The following TMEM165 variants were observed in gnomAD, a reference collection of about 807,000 sequenced individuals.
TMEM165 encodes putative divalent cation/proton antiporter TMEM165.
In TMEM165, 19 loss-of-function variants were observed where a neutral mutation model predicts 30.0. That is an observed-to-expected ratio of 0.63 (90% CI 0.44 to 0.93). The LOEUF is 0.93. Ranked by LOEUF, TMEM165 falls within the 40% of genes least tolerant of loss-of-function variation. TMEM165 has a pLI of 0.00. For missense variants in TMEM165, 340 were observed against 417.0 expected (o/e 0.82, Z 1.61); for synonymous variants, 168 against 162.9 (o/e 1.03, Z -0.24).
chr4:55,429,467 T>C (rs1267105205), downstream of TMEM165: 3 of 152,170 alleles, frequency 2.0e-5, no homozygotes, highest in Admixed American at 2.0e-4. Context: ...CAGTGCTGTG[T>C]ATGGAAGTTT....
chr4:55,399,136 A>G (rs1365671114), intron 1 of TMEM165: 1 of 152,248 alleles, frequency 6.6e-6, no homozygotes, highest in Non-Finnish European at 1.5e-5. Flanking sequence ...GAACTCAACG[A>G]GTAAATAACC....
Position 55,425,522 on chromosome 4 carries a change from CA to C in TMEM165, c.*72del. On this transcript the variant is annotated 3_prime_UTR_variant, in exon 6 of 6. Transcript: ENST00000381334. ...ATCTTTCTGTACATAGTGTACATTA[CA>C]ACTAAAAGTGATGGAAAAATACTGT... 8.3e-7 allele frequency: 1 copy of C among 1,210,022 alleles called. No individual in the cohort carries two copies. Among genetic ancestry groups the C allele is most frequent in the South Asian group, 1.3e-5 (1 of 76,172 alleles). 75.0% of individuals were successfully genotyped at this position (1,210,022 alleles called of 1,614,324 possible). A position where few individuals can be genotyped will look rare whatever the true frequency, so the allele number is the denominator to read the frequency against.
intron 3 of TMEM165, among the ~76,000 whole-genome samples, chr4:55,446,754 G>C (rs111394450): frequency 1.4e-4 from 22 of 152,198 alleles, no homozygotes; most frequent in Admixed American, 4.6e-4. Context: ...TTATTCCCAT[G>C]AATTTTCAGT....
Position 55,417,818 on chromosome 4 carries a change from CTT to C in TMEM165, c.628_629del (p.Leu210LysfsTer7), listed in dbSNP as rs1167328921. On this transcript the variant is annotated frameshift_variant, in exon 4 of 6. Coordinates refer to ENST00000381334, the MANE Select transcript of TMEM165 (RefSeq NM_018475.5). LOFTEE classifies it high-confidence loss of function. ...TTTATTTTAGTTTCAACGAACCAAA[CTT>C]TTAAATGGACCGGGAGATGTTGAAA... ...KKDEEFQRTK[L>X]LNGPGDVETG... 3 of 1,602,188 alleles carry C rather than the reference CTT, an allele frequency of 1.9e-6. No homozygotes were observed. Among genetic ancestry groups the C allele is most frequent in the Admixed American group, 1.8e-5 (1 of 57,086 alleles).
At chr4:55,404,218 A>T (rs1721177901) in intron 1 of TMEM165, among the ~76,000 whole-genome samples, 1 of 148,442 alleles carries the variant, frequency 6.7e-6, no homozygotes, top group Admixed American at 6.8e-5. Flanking sequence ...GGGTTTCATC[A>T]TGTTTGCCAG....
intron 3 of TMEM165, chr4:55,434,919 G>C (rs550503047): frequency 5.5e-6 from 1 of 180,652 alleles, no homozygotes; most frequent in African/African-American, 2.4e-5. Context: ...AGTAATTACT[G>C]TTCCATCATT....
chr4:55,424,938 T>C (rs1722129260), intron 5 of TMEM165: 1 of 391,954 alleles, frequency 2.6e-6, no homozygotes, highest in Non-Finnish European at 4.6e-6. Flanking sequence ...GCTCTAAAAA[T>C]GTGTCTTACA....
In TMEM165 at chr4:55,424,571, G is replaced by A; in HGVS notation, c.826G>A (p.Gly276Arg). ...PYGVAVGGTV[G>R]HCLCTGLAVI... ...TGGTGTAGCCGTGGGTGGAACTGTGGGGCACTGCCTGTGCACGGGATTGGC... is the reference window on the plus strand; with the variant it reads ...TGGTGTAGCCGTGGGTGGAACTGTGAGGCACTGCCTGTGCACGGGATTGGC... The change falls in exon 5 of 6, where the codon GGG (glycine) becomes AGG (arginine). Residue 276 changes from glycine (G) to arginine (R), a missense_variant. Transcript: ENST00000381334. 1 of 1,613,882 alleles carries A rather than the reference G, an allele frequency of 6.2e-7. No individual in the cohort carries two copies. The highest frequency in any genetic ancestry group is 8.5e-7 in the Non-Finnish European group (1 of 1,179,804).
At chr4:55,410,809 CTAAA>C (rs1721464059) in intron 1 of TMEM165, among the ~76,000 whole-genome samples, 1 of 152,138 alleles carries the variant, frequency 6.6e-6, no homozygotes, top group African/African-American at 2.4e-5. Context: ...TAGCTAAGAA[CTAAA>C]TCTGAAATCA....
At chr4:55,443,919 A>G (rs1489889889) in intron 3 of TMEM165, 2 of 1,595,660 alleles carry the variant, frequency 1.3e-6, no homozygotes, top group Non-Finnish European at 1.7e-6. Context: ...AGATTATGTT[A>G]AAATGAGCTT....
Position 55,452,602 on chromosome 4 carries a change from CTAT to C in TMEM165, c.*297_*299del, listed in dbSNP as rs1724566760. On this transcript the variant is annotated 3_prime_UTR_variant, in exon 4 of 4. Coordinates refer to the TMEM165 transcript ENST00000608091. Reference sequence around the variant, plus strand: ...TACACAGCTATAGATAACTAATATACTATACTTCTGACCTGATATAACAAAAAA... The same window carrying C: ...TACACAGCTATAGATAACTAATATACACTTCTGACCTGATATAACAAAAAA... The C allele has an allele frequency of 4.6e-5, 8 of 173,918 alleles. No homozygotes were observed. The South Asian group carries it at 1.0e-3, about 23-fold the overall frequency. The allele number at this position is 173,918 out of a possible 1,614,324, so 10.8% of individuals were successfully genotyped here. A position where few individuals can be genotyped will look rare whatever the true frequency, so the allele number is the denominator to read the frequency against.
At chr4:55,401,339 TACTC>T (rs929853117) in intron 1 of TMEM165, among the ~76,000 whole-genome samples, 2 of 150,812 alleles carry the variant, frequency 1.3e-5, no homozygotes, top group Non-Finnish European at 2.9e-5. Flanking sequence ...TCTAGTGACT[TACTC>T]AATAGTTTTT....
At chr4:55,448,595 CGCGCGCGTGTGTGTGTGTGTGT>C (rs1724109237) in intron 3 of TMEM165, among the ~76,000 whole-genome samples, 2 of 33,250 alleles carry the variant, frequency 6.0e-5, no homozygotes, top group African/African-American at 2.1e-4. Flanking sequence ...CGCGCGCGCA[CGCGCGCGTGTGTGTGTGTGTGT>C]GTGTGTGTGT....
intron 3 of TMEM165, among the ~76,000 whole-genome samples, chr4:55,445,944 C>T (rs1257915517): frequency 5.3e-5 from 8 of 151,730 alleles, no homozygotes; most frequent in East Asian, 1.9e-4. Flanking sequence ...GGAGTTAATC[C>T]GTGTTACCAG....
intron 3 of TMEM165, chr4:55,431,469 T>A (rs1365497296): frequency 6.6e-6 from 1 of 152,244 alleles, no homozygotes; most frequent in African/African-American, 2.4e-5. Flanking sequence ...TAAAAGGTTC[T>A]CTTTCTCCAA....
At chr4:55,400,302 A>AATACTGTAT (rs1720927271) in intron 1 of TMEM165, among the ~76,000 whole-genome samples, 3 of 107,184 alleles carry the variant, frequency 2.8e-5, no homozygotes, top group African/African-American at 1.1e-4. Flanking sequence ...ATATAATATT[A>AATACTGTAT]TATATAATAT....
chr4:55,430,861 A>G (rs1318079709), downstream of TMEM165: 1 of 152,202 alleles, frequency 6.6e-6, no homozygotes, highest in African/African-American at 2.4e-5. Flanking sequence ...TAGGTTTACA[A>G]TAGTGTTTAA....
At chr4:55,437,180 C>T (rs952929019) in intron 3 of TMEM165, among the ~76,000 whole-genome samples, 1 of 152,184 alleles carries the variant, frequency 6.6e-6, no homozygotes, top group Non-Finnish European at 1.5e-5. Context: ...TAGTTTTCTA[C>T]ATCACAAAGA....
chr4:55,420,114 T>A (rs1258407399), intron 4 of TMEM165, among the ~76,000 whole-genome samples: 620 of 38,568 alleles, frequency 0.016, 43 homozygotes, highest in East Asian at 0.076. Flanking sequence ...AAAATATATA[T>A]ATATATACAT....
Sources: allele counts gnomAD v4.1 joint callset (sites outside exome capture counted in the v4.1 genomes callset), GRCh38; gene constraint gnomAD v4.1.1; transcripts MANE v1.5; gene names NCBI Gene and HGNC (gene_info 2026-07-23, HGNC 2026-07-21).